Variants in HHAT observed in about 807,000 individuals in gnomAD.
The protein encoded by HHAT is hedgehog acyltransferase.
Under a neutral mutation model 70.8 loss-of-function variants are expected in HHAT, and 47 were observed. The ratio of observed to expected loss-of-function variants is 0.66; its 90% CI spans 0.53 to 0.85. HHAT has a LOEUF of 0.85. Ranked by LOEUF, HHAT falls within the 40% of genes least tolerant of loss-of-function variation. The pLI, the probability that HHAT is intolerant of heterozygous loss-of-function variation, is 0.00. For missense variants in HHAT, 609 were observed against 604.8 expected, an observed-to-expected ratio of 1.01 and a Z score of -0.07; for synonymous variants, 228 against 247.6, an observed-to-expected ratio of 0.92 and a Z score of 0.74.
At chr1:210,440,525 C>G (rs763795554) in intron 7 of HHAT, among the ~76,000 whole-genome samples, 34 of 151,934 alleles carry the variant, frequency 2.2e-4, no homozygotes, top group Non-Finnish European at 4.6e-4. Flanking sequence ...TAATCCCCAG[C>G]TGAGAGTTTC....
chr1:210,343,431 T>C (rs1378906150), intron 1 of HHAT, among the ~76,000 whole-genome samples: 1 of 152,158 alleles, frequency 6.6e-6, no homozygotes, highest in Non-Finnish European at 1.5e-5. Flanking sequence ...GTAGTGACTG[T>C]CGTAGTGACA....
At chr1:210,328,650 C>A (rs1299757613), upstream of HHAT, among the ~76,000 whole-genome samples, 1 of 152,254 alleles carries the variant, frequency 6.6e-6, no homozygotes, top group African/African-American at 2.4e-5. Context: ...AGGTGACTTC[C>A]ACTCTGCAAT....
intron 7 of HHAT, among the ~76,000 whole-genome samples, chr1:210,456,341 A>T (rs997068871): frequency 6.6e-6 from 1 of 151,768 alleles, no homozygotes; most frequent in East Asian, 1.9e-4. Flanking sequence ...GTTTGGTCTT[A>T]CTTACTCTGA....
chr1:210,551,711 A>G (rs1326512105), intron 9 of HHAT, among the ~76,000 whole-genome samples: 2 of 152,228 alleles, frequency 1.3e-5, no homozygotes, highest in African/African-American at 4.8e-5. Flanking sequence ...TGAACGATTT[A>G]TTGAAGGGAA....
In HHAT at chr1:210,541,553, C is replaced by G. The variant is rs565396678; in HGVS notation, c.1043+28365C>G. On this transcript the variant is annotated intron_variant, in intron 9 of 11. Coordinates refer to ENST00000261458, the MANE Select transcript of HHAT (RefSeq NM_018194.6). ...ACTAGCCTGGCCAACATGATGAAACCCCGTCTCTACTAAAAATACAAAAAT... is the reference window on the plus strand; with the variant it reads ...ACTAGCCTGGCCAACATGATGAAACGCCGTCTCTACTAAAAATACAAAAAT... Among the ~76,000 whole-genome samples, 195 of 152,164 alleles carry G rather than the reference C, an allele frequency of 1.3e-3. 1 individual carries two copies. The highest frequency in any genetic ancestry group is 4.5e-3 in the African/African-American group (187 of 41,516).
intron 7 of HHAT, among the ~76,000 whole-genome samples, chr1:210,440,181 A>G (rs2093472476): frequency 6.6e-6 from 1 of 151,614 alleles, no homozygotes; most frequent in Non-Finnish European, 1.5e-5. Flanking sequence ...GGAATTAAAG[A>G]CATCATGCCC....
At chr1:210,350,333 G>T (rs1487323545) in intron 2 of HHAT, among the ~76,000 whole-genome samples, 1 of 152,232 alleles carries the variant, frequency 6.6e-6, no homozygotes. Context: ...GATTTTCATT[G>T]TGGTTGCATT....
intron 7 of HHAT, among the ~76,000 whole-genome samples, chr1:210,422,074 A>G (rs933484429): frequency 7.9e-5 from 12 of 152,212 alleles, no homozygotes; most frequent in Admixed American, 7.9e-4. Flanking sequence ...TAAAGTTAAA[A>G]AAATCTTTAG....
chr1:210,494,981 C>T (rs940392274), intron 8 of HHAT, among the ~76,000 whole-genome samples: 1 of 152,106 alleles, frequency 6.6e-6, no homozygotes, highest in African/African-American at 2.4e-5. Flanking sequence ...GCACTTAAAA[C>T]CCAGAGACTG....
intron 11 of HHAT, among the ~76,000 whole-genome samples, chr1:210,633,789 C>T (rs1234178056): frequency 6.6e-6 from 1 of 152,158 alleles, no homozygotes; most frequent in Non-Finnish European, 1.5e-5. Flanking sequence ...CCCTGCATCC[C>T]ACCAACCCAG....
chr1:210,328,884 C>T (rs1452683671), upstream of HHAT: 5 of 606,402 alleles, frequency 8.2e-6, no homozygotes, highest in Non-Finnish European at 1.2e-5. Flanking sequence ...TTCCCGAGTC[C>T]GGGCGCGGAG....
chr1:210,568,798 G>A (rs1383717937), intron 9 of HHAT, among the ~76,000 whole-genome samples: 1 of 152,150 alleles, frequency 6.6e-6, no homozygotes, highest in African/African-American at 2.4e-5. Context: ...TTTAGTTCTA[G>A]GAAGTCAGCA....
intron 3 of HHAT, among the ~76,000 whole-genome samples, chr1:210,384,446 C>T (rs1168958729): frequency 2.0e-5 from 3 of 152,122 alleles, no homozygotes; most frequent in South Asian, 4.1e-4. Context: ...AGATTGGTCC[C>T]CAGGCTGGTA....
intron 2 of HHAT, among the ~76,000 whole-genome samples, chr1:210,351,055 T>A (rs1375116324): frequency 6.6e-6 from 1 of 152,114 alleles, no homozygotes; most frequent in African/African-American, 2.4e-5. Context: ...GCCCACACAA[T>A]TATAGAGGCT....
At chr1:210,545,419 A>T (rs2095474513) in intron 9 of HHAT, among the ~76,000 whole-genome samples, 1 of 146,756 alleles carries the variant, frequency 6.8e-6, no homozygotes, top group African/African-American at 2.5e-5. Context: ...CAATTTAGTC[A>T]TGACTTCTTT....
chr1:210,527,275 G>A (rs995018665), intron 9 of HHAT, among the ~76,000 whole-genome samples: 4 of 150,726 alleles, frequency 2.7e-5, no homozygotes, highest in Non-Finnish European at 1.5e-5. Context: ...AGCATGCTGT[G>A]TGGTCTCTCG....
intron 6 of HHAT, among the ~76,000 whole-genome samples, chr1:210,416,956 C>G (rs1226091605): frequency 6.6e-6 from 1 of 152,160 alleles, no homozygotes; most frequent in Non-Finnish European, 1.5e-5. Flanking sequence ...TGCTCAGGAT[C>G]ACACAGCTGT....
chr1:210,658,772 G>C (rs1677012890), intron 11 of HHAT, among the ~76,000 whole-genome samples: 1 of 152,176 alleles, frequency 6.6e-6, no homozygotes, highest in Admixed American at 6.5e-5. Flanking sequence ...TAGAACTCAG[G>C]ATTAAGAAAC....
intron 10 of HHAT, among the ~76,000 whole-genome samples, chr1:210,610,614 G>T (rs1019302454): frequency 6.6e-6 from 1 of 152,092 alleles, no homozygotes; most frequent in South Asian, 2.1e-4. Context: ...GAATAGTATT[G>T]CCTAGATTTT....
Sources: allele counts gnomAD v4.1 joint callset (sites outside exome capture counted in the v4.1 genomes callset), GRCh38; gene constraint gnomAD v4.1.1; transcripts MANE v1.5; gene names NCBI Gene and HGNC (gene_info 2026-07-23, HGNC 2026-07-21).